VPS13D: variants seen among roughly 807,000 people sequenced by gnomAD.
The protein encoded by VPS13D is intermembrane lipid transfer protein VPS13D.
VPS13D carries 187 observed loss-of-function variants against 461.9 expected under a neutral mutation model. That is an observed-to-expected ratio of 0.40 (90% CI 0.36 to 0.46). The LOEUF is 0.46. Among genes scored for constraint, VPS13D ranks in the 20% least tolerant of loss-of-function variants. The probability of loss-of-function intolerance (pLI) is 0.60; values close to 1 mark genes in which losing one functional copy is unlikely to be tolerated. For synonymous variants in VPS13D, 1,951 were observed against 1,986.3 expected, an observed-to-expected ratio of 0.98 and a Z score of 0.47; for missense variants, 4,711 against 5,364.9, an observed-to-expected ratio of 0.88 and a Z score of 3.81.
At chr1:12,414,948 A>G (rs1404884125) in intron 63 of VPS13D, 139 bp from the exon 64 acceptor site, 8 of 971,294 alleles carry the variant, frequency 8.2e-6, no homozygotes, top group Non-Finnish European at 1.2e-5. Context: ...TATAGGGAAA[A>G]TCCTTATTTA....
intron 52 of VPS13D, among the ~76,000 whole-genome samples, chr1:12,364,092 C>T (rs559710811): frequency 6.6e-6 from 1 of 150,750 alleles, no homozygotes; most frequent in South Asian, 2.1e-4. Flanking sequence ...ATCAAATTTA[C>T]TATCTTAACC....
intron 25 of VPS13D, among the ~76,000 whole-genome samples, chr1:12,301,479 G>A (rs1357181340): frequency 6.6e-6 from 1 of 152,226 alleles, no homozygotes; most frequent in Non-Finnish European, 1.5e-5. Flanking sequence ...ACAGCCAGAT[G>A]AAGAGGTGCA....
intron 26 of VPS13D, among the ~76,000 whole-genome samples, chr1:12,305,414 A>AGG (rs1642534212): frequency 6.6e-6 from 1 of 152,080 alleles, no homozygotes; most frequent in African/African-American, 2.4e-5. Flanking sequence ...AGCTGGGACT[A>AGG]CAGGCATGTG....
chr1:12,268,900 C>A (rs777747621), intron 16 of VPS13D, 24 bp downstream of exon 16: 1 of 1,594,854 alleles, frequency 6.3e-7, no homozygotes, highest in Non-Finnish European at 8.5e-7. Flanking sequence ...TTTGTTTGAT[C>A]TTATGTTCCT....
intron 62 of VPS13D, among the ~76,000 whole-genome samples, chr1:12,402,976 A>G (rs972841619): frequency 6.6e-5 from 10 of 152,326 alleles, no homozygotes; most frequent in African/African-American, 9.6e-5. Flanking sequence ...GCTGCTCCTT[A>G]AAGTACCTGC....
At chr1:12,296,783 T>C (rs1642289418) in intron 24 of VPS13D, among the ~76,000 whole-genome samples, 1 of 151,832 alleles carries the variant, frequency 6.6e-6, no homozygotes, top group African/African-American at 2.4e-5. Flanking sequence ...GTTAGAATTG[T>C]TGTGTGCATT....
chr1:12,508,781 G>A (rs550116024), intron 69 of VPS13D, 112 bp from the exon 70 acceptor site: 29 of 1,201,152 alleles, frequency 2.4e-5, no homozygotes, highest in African/African-American at 4.6e-5. Flanking sequence ...TTTCTTTGAC[G>A]TGTACATCCC....
intron 67 of VPS13D, among the ~76,000 whole-genome samples, chr1:12,492,012 T>G (rs942402712): frequency 2.0e-5 from 3 of 152,228 alleles, no homozygotes; most frequent in African/African-American, 7.2e-5. Context: ...TCATAAGAGA[T>G]GCTGTCGACT....
Position 12,276,556 on chromosome 1 carries a change from A to T in VPS13D, c.2968A>T (p.Arg990Trp). Reference protein sequence around the residue: ...VFGTNAHFVKRPYDAEVSLTV... With the variant: ...VFGTNAHFVKWPYDAEVSLTV... ...TGGTACCAATGCTCACTTTGTGAAG[A>T]GGCCTTATGATGCTGAAGTCTCCCT... The change falls in exon 19 of 70, where the codon AGG (arginine) becomes TGG (tryptophan). Residue 990 changes from arginine to tryptophan, a missense_variant. Physicochemically the swap from Arg to Trp is moderately radical, Grantham distance 101. Coordinates refer to ENST00000620676, the MANE Select transcript of VPS13D (RefSeq NM_015378.4). The surrounding 1 kb of genome is among the most constrained non-coding windows in gnomAD (Gnocchi z 4.5). 1 of 1,614,176 alleles carries T rather than the reference A, an allele frequency of 6.2e-7. No individual in the cohort carries two copies. The highest frequency in any genetic ancestry group is 8.5e-7 in the Non-Finnish European group (1 of 1,180,038).
Position 12,425,499 on chromosome 1 carries a change from C to T in VPS13D, c.12333+8672C>T, listed in dbSNP as rs1265806572. ...GCTTGAACCCAGGAGGCGGAGGTTGCAGTGAGCTGAGATTGTGCCACTGCA... is the reference window on the plus strand; with the variant it reads ...GCTTGAACCCAGGAGGCGGAGGTTGTAGTGAGCTGAGATTGTGCCACTGCA... On this transcript the variant is annotated intron_variant, in intron 65 of 69. Coordinates refer to ENST00000620676, the MANE Select transcript of VPS13D (RefSeq NM_015378.4). Among the ~76,000 whole-genome samples, 4 of 151,734 alleles carry T rather than the reference C, an allele frequency of 2.6e-5. No homozygotes were observed. The East Asian group carries it at 7.8e-4, about 29-fold the overall frequency.
chr1:12,305,331 GT>G (rs917686067), intron 26 of VPS13D, among the ~76,000 whole-genome samples: 1 of 152,030 alleles, frequency 6.6e-6, no homozygotes, highest in Non-Finnish European at 1.5e-5. Context: ...CTAGAGTGCA[GT>G]GTTGTGATGA....
chr1:12,360,757 C>G (rs565375515), intron 50 of VPS13D, among the ~76,000 whole-genome samples: 1 of 152,240 alleles, frequency 6.6e-6, no homozygotes, highest in East Asian at 1.9e-4. Flanking sequence ...CTCAGTCTTT[C>G]AGGTATTTTC....
intron 62 of VPS13D, among the ~76,000 whole-genome samples, chr1:12,403,138 G>A (rs1272384078): frequency 6.6e-6 from 1 of 152,220 alleles, no homozygotes; most frequent in African/African-American, 2.4e-5. Context: ...TATTTCCAAG[G>A]CACGTGAAGC....
In VPS13D at chr1:12,431,314, T is replaced by C. The variant is rs572688419; in HGVS notation, c.12333+14487T>C. 4.3e-4 allele frequency among the ~76,000 whole-genome samples: 66 copies of C among 152,132 alleles called. 1 individual carries two copies. The highest frequency in any genetic ancestry group is 1.5e-3 in the African/African-American group (62 of 41,482). On this transcript the variant is annotated intron_variant, in intron 65 of 69. Coordinates refer to ENST00000620676, the MANE Select transcript of VPS13D (RefSeq NM_015378.4). ...TCGCTGATATTCAGTAGAAACTCTTTGGATAGCAGATTTGGGAAAGAACCT... is the reference window on the plus strand; with the variant it reads ...TCGCTGATATTCAGTAGAAACTCTTCGGATAGCAGATTTGGGAAAGAACCT...
intron 65 of VPS13D, among the ~76,000 whole-genome samples, chr1:12,444,833 A>G (rs1390356649): frequency 6.6e-6 from 1 of 152,170 alleles, no homozygotes; most frequent in African/African-American, 2.4e-5. Flanking sequence ...CTGACATTGT[A>G]TAAGAAAGAT....
chr1:12,319,719 A>C lies in VPS13D; in HGVS notation c.7548+89A>C, dbSNP rs1642984167. 7 of 1,574,432 alleles carry C rather than the reference A, an allele frequency of 4.4e-6. No individual in the cohort carries two copies. The East Asian group carries it at 1.3e-4, about 30-fold the overall frequency. ...GAATTTTCCCTCTTAAACTTTCATG[A>C]GGGGAAGGAATTAATGAAATTGGAA... On this transcript the variant is annotated intron_variant, in intron 32 of 69. Coordinates refer to ENST00000620676, the MANE Select transcript of VPS13D (RefSeq NM_015378.4).
In VPS13D at chr1:12,314,287, A is replaced by G; in HGVS notation, c.7108A>G (p.Ser2370Gly). The change falls in exon 30 of 70, where the codon AGC becomes GGC. Residue 2370 changes from serine (S) to glycine (G), a missense_variant. Ser to Gly is a moderately conservative substitution (Grantham distance 56). Transcript: ENST00000620676. ...SCIFQPAKNS[S>G]TTQGSIQIEL... ...TATCTTTCAGCCCGCTAAGAACAGCAGCACCACCCAAGGGTCCATTCAGAT... is the reference window on the plus strand; with the variant it reads ...TATCTTTCAGCCCGCTAAGAACAGCGGCACCACCCAAGGGTCCATTCAGAT... 6.2e-7 allele frequency: 1 copy of G among 1,614,218 alleles called. No individual in the cohort carries two copies. Among genetic ancestry groups the G allele is most frequent in the Non-Finnish European group, 8.5e-7 (1 of 1,180,028 alleles).
At chr1:12,335,655 A>T in intron 38 of VPS13D, 50 bp from the exon 39 acceptor site, 1 of 1,562,050 alleles carries the variant, frequency 6.4e-7, no homozygotes, top group Non-Finnish European at 8.7e-7. Flanking sequence ...TTTGACTCGA[A>T]CCCTCCATCT....
chr1:12,459,915 ATTGGCCACTG>A (rs1282851896), intron 66 of VPS13D, among the ~76,000 whole-genome samples: 2 of 149,934 alleles, frequency 1.3e-5, no homozygotes, highest in Non-Finnish European at 3.0e-5. Context: ...GGATCGAAAA[ATTGGCCACTG>A]TTAACCTCTC....
Sources: gnomAD v4.1 joint callset for allele counts (sites outside exome capture counted in the v4.1 genomes callset) on GRCh38, gnomAD v4.1.1 for gene constraint, Gnocchi (gnomAD v3.1) non-coding constraint, MANE v1.5 for transcripts, NCBI Gene and HGNC (gene_info 2026-07-23, HGNC 2026-07-21) for gene names.